NTM: variants seen among roughly 807,000 people sequenced by gnomAD.
The protein encoded by NTM is IgLON family member 2.
In NTM, 13 loss-of-function variants were observed where a neutral mutation model predicts 42.1. The ratio of observed to expected loss-of-function variants is 0.31; its 90% CI spans 0.20 to 0.49. The LOEUF (loss-of-function observed/expected upper bound fraction) is 0.49, where lower values mean the gene tolerates loss of function less well. NTM is among the 20% of genes least tolerant of loss of function. NTM has a pLI of 0.99. For synonymous variants in NTM, 187 were observed against 179.2 expected (o/e 1.04, Z -0.35); for missense variants, 373 against 452.8 (o/e 0.82, Z 1.60).
intron 2 of NTM, among the ~76,000 whole-genome samples, chr11:132,084,018 A>G (rs981263720): frequency 1.3e-5 from 2 of 152,140 alleles, no homozygotes; most frequent in African/African-American, 2.4e-5. Context: ...TCAGTTTTCT[A>G]TTACTTCAGT....
At chr11:132,171,868 C>A (rs2076164597) in intron 3 of NTM, among the ~76,000 whole-genome samples, 1 of 152,238 alleles carries the variant, frequency 6.6e-6, no homozygotes, top group Non-Finnish European at 1.5e-5. Flanking sequence ...CTCTGCCCCT[C>A]TCTTGTTGGG....
chr11:132,102,152 T>C (rs2061699492), intron 2 of NTM, among the ~76,000 whole-genome samples: 1 of 152,258 alleles, frequency 6.6e-6, no homozygotes, highest in Non-Finnish European at 1.5e-5. Flanking sequence ...TTCATTCAGA[T>C]GGTATCCCTT....
chr11:131,872,098 C>A (rs956137983), intron 1 of NTM, among the ~76,000 whole-genome samples: 2 of 152,148 alleles, frequency 1.3e-5, no homozygotes, highest in South Asian at 4.1e-4. Context: ...ATCTTATTAC[C>A]AAATCATTCT....
intron 1 of NTM, among the ~76,000 whole-genome samples, chr11:131,688,535 C>T (rs922823516): frequency 7.2e-5 from 11 of 152,364 alleles, no homozygotes; most frequent in African/African-American, 2.2e-4. Context: ...CCGCCTGCTG[C>T]TCCCAGGCAC....
intron 2 of NTM, among the ~76,000 whole-genome samples, chr11:132,083,363 T>C (rs921874581): frequency 3.2e-4 from 49 of 152,384 alleles, no homozygotes; most frequent in African/African-American, 1.2e-3. Flanking sequence ...ATACTTGGCC[T>C]GATTATTTGC....
chr11:132,182,385 A>G (rs1158544569), intron 3 of NTM, among the ~76,000 whole-genome samples: 9 of 152,166 alleles, frequency 5.9e-5, no homozygotes, highest in Non-Finnish European at 1.3e-4. Context: ...TTTGTATCAA[A>G]CTGCAGATCA....
intron 1 of NTM, among the ~76,000 whole-genome samples, chr11:131,598,408 G>T (rs915000619): frequency 2.0e-5 from 3 of 152,220 alleles, no homozygotes; most frequent in African/African-American, 7.2e-5. Context: ...CTACACGCTT[G>T]TCTTTCTACA....
chr11:132,236,577 T>C (rs767867091), intron 4 of NTM, among the ~76,000 whole-genome samples: 18 of 152,124 alleles, frequency 1.2e-4, no homozygotes, highest in Admixed American at 7.2e-4. Context: ...GTTATTAGGA[T>C]GAGAAGATGG....
At chr11:132,211,546 A>G (rs867280296) in intron 3 of NTM, among the ~76,000 whole-genome samples, 6 of 152,246 alleles carry the variant, frequency 3.9e-5, no homozygotes, top group Non-Finnish European at 7.3e-5. Context: ...GGCCATGGAA[A>G]GGTGGGCTGA....
chr11:131,875,318 T>G (rs2137155226), intron 1 of NTM, among the ~76,000 whole-genome samples: 1 of 152,208 alleles, frequency 6.6e-6, no homozygotes, highest in Non-Finnish European at 1.5e-5. Context: ...GCTTATAATA[T>G]TTGGTGAGTT....
At chr11:131,759,595 A>G (rs1310977171) in intron 1 of NTM, among the ~76,000 whole-genome samples, 2 of 151,944 alleles carry the variant, frequency 1.3e-5, no homozygotes, top group African/African-American at 2.4e-5. Context: ...TCACAACCAC[A>G]TGAAACACAC....
intron 7 of NTM, among the ~76,000 whole-genome samples, chr11:132,316,891 TAAAAGCCAACAAGCACAC>T (rs1323217244): frequency 3.3e-5 from 5 of 152,202 alleles, no homozygotes; most frequent in African/African-American, 1.2e-4. Flanking sequence ...CAGTTTCCAT[TAAAAGCCAACAAGCACAC>T]TTGGGGCAGG....
intron 1 of NTM, among the ~76,000 whole-genome samples, chr11:131,446,017 A>G (rs1591686875): frequency 6.6e-6 from 1 of 152,326 alleles, no homozygotes; most frequent in East Asian, 1.9e-4. Flanking sequence ...TGCCCACCCC[A>G]TTCTAGTTTG....
rs113744086 is a variant in NTM, at chr11:131,598,994, A to G, written c.82+228106A>G. On this transcript the variant is annotated intron_variant, in intron 1 of 8. Transcript: ENST00000683400. ...AATGGCACAATCTCAGCTCACTTCAACCTCTGCCTCCCAGGTTCAAGCAAC... is the reference window on the plus strand; with the variant it reads ...AATGGCACAATCTCAGCTCACTTCAGCCTCTGCCTCCCAGGTTCAAGCAAC... Among the ~76,000 whole-genome samples the G allele has an allele frequency of 9.4e-4, 141 of 149,308 alleles. 2 individuals are homozygous for G. The highest frequency in any genetic ancestry group is 3.5e-3 in the African/African-American group (139 of 40,138).
intron 1 of NTM, among the ~76,000 whole-genome samples, chr11:131,401,818 A>ATATATATATATATATATATATGTG (rs1945206041): frequency 2.3e-5 from 1 of 43,004 alleles, no homozygotes; most frequent in Non-Finnish European, 4.5e-5. Context: ...ATATATATAT[A>ATATATATATATATATATATATGTG]TATATATATA....
At chr11:131,600,860 T>C (rs1237555528) in intron 1 of NTM, among the ~76,000 whole-genome samples, 1 of 151,664 alleles carries the variant, frequency 6.6e-6, no homozygotes, top group Non-Finnish European at 1.5e-5. Context: ...TTTTTTTCCA[T>C]ATGAAACCAG....
chr11:131,574,101 TGGTGTCTGGGGAG>T (rs1228585470), intron 1 of NTM, among the ~76,000 whole-genome samples: 2 of 152,158 alleles, frequency 1.3e-5, no homozygotes, highest in African/African-American at 4.8e-5. Flanking sequence ...ACGCCCAGTG[TGGTGTCTGGGGAG>T]GGTTGATGGA....
At position 131,908,272 on chromosome 11, in the gene NTM, G is replaced by A. The variant is rs548461018; in HGVS notation, c.83-3292G>A. ...TATTTTCTTGCCCAGACATACTAAT[G>A]AAGCAATGGCAGGCAAATGTATTAA... On this transcript the variant is annotated intron_variant, in intron 1 of 8. Transcript: ENST00000683400. Among the ~76,000 whole-genome samples, 4 of 152,336 alleles carry A rather than the reference G, an allele frequency of 2.6e-5. No homozygotes were observed. The South Asian group carries it at 8.3e-4, about 32-fold the overall frequency.
chr11:132,196,415 T>C (rs543817542), intron 3 of NTM, among the ~76,000 whole-genome samples: 1 of 151,956 alleles, frequency 6.6e-6, no homozygotes, highest in South Asian at 2.1e-4. Context: ...TAGAACTACC[T>C]TTCAATGCAG....
Sources: allele counts gnomAD v4.1 joint callset (sites outside exome capture counted in the v4.1 genomes callset), GRCh38; gene constraint gnomAD v4.1.1; transcripts MANE v1.5; gene names NCBI Gene and HGNC (gene_info 2026-07-23, HGNC 2026-07-21).